The following GABRR2 variants were observed in gnomAD, a reference collection of about 807,000 sequenced individuals.
GABRR2 encodes gamma-aminobutyric acid type A receptor subunit rho2.
A neutral mutation model predicts 47.0 loss-of-function variants in GABRR2; 36 were observed. The observed-to-expected ratio is 0.77, with a 90% CI of 0.59 to 1.01. The LOEUF (loss-of-function observed/expected upper bound fraction) is 1.01, where lower values mean the gene tolerates loss of function less well. Among genes scored for constraint, GABRR2 ranks in the 50% least tolerant of loss-of-function variants. GABRR2 has a pLI of 0.00. For synonymous variants in GABRR2, 204 were observed against 227.5 expected (o/e 0.90, Z 0.93); for missense variants, 587 against 594.6 (o/e 0.99, Z 0.13).
chr6:89,309,157 T>C (rs975749877), intron 1 of GABRR2, among the ~76,000 whole-genome samples: 4 of 152,106 alleles, frequency 2.6e-5, no homozygotes, highest in Admixed American at 2.6e-4. Flanking sequence ...CAGCCTCCCA[T>C]TTGGCAGCCA....
At chr6:89,265,578 T>A in intron 7 of GABRR2, 35 bp downstream of exon 7, 1 of 1,558,930 alleles carries the variant, frequency 6.4e-7, no homozygotes, top group Admixed American at 2.0e-5. Flanking sequence ...TTGAAAAAAA[T>A]AACCACCCTA....
At position 89,265,775 on chromosome 6, in the gene GABRR2, G is replaced by A. The variant is rs775931356; in HGVS notation, c.737-10C>T. 2 of 1,613,220 alleles carry A rather than the reference G, an allele frequency of 1.2e-6. No individual in the cohort carries two copies. The highest frequency in any genetic ancestry group is 2.2e-5 in the East Asian group (1 of 44,868). ...AGACGGTTGTACCAGCCTAGGGGAT[G>A]CAGGAAGAAGCCAATGAGGTTCCAT... On this transcript the variant is annotated splice_polypyrimidine_tract_variant and intron_variant, in intron 6 of 8. Transcript: ENST00000402938.
Position 89,268,039 on chromosome 6 carries a change from C to A in GABRR2, c.570G>T (p.Gln190His). The A allele has an allele frequency of 6.2e-7, 1 of 1,612,098 alleles. No individual in the cohort carries two copies. The highest frequency in any genetic ancestry group is 8.5e-7 in the Non-Finnish European group (1 of 1,178,938). Residue 190 changes from glutamine (Q) to histidine (H), a missense_variant, in exon 5 of 9, where the codon CAG becomes CAT. Physicochemically the swap from Gln to His is conservative, Grantham distance 24. Coordinates refer to ENST00000402938, the MANE Select transcript of GABRR2 (RefSeq NM_002043.5). ...AGCTCTCCAGCTCCAAAGAACAGGT[C>A]TGGGAGTCCAGGGGAAAGTGGCTGA... ...MDFSHFPLDS[Q>H]TCSLELESYA...
intron 2 of GABRR2, among the ~76,000 whole-genome samples, chr6:89,277,878 T>TG (rs1167361887): frequency 1.2e-4 from 3 of 24,484 alleles, no homozygotes; most frequent in Admixed American, 4.0e-4. Flanking sequence ...TGGGGGGGGG[T>TG]GGGGGCTGCA....
At chr6:89,281,272 G>A (rs41480144) in intron 2 of GABRR2, among the ~76,000 whole-genome samples, 5,580 of 152,264 alleles carry the variant, frequency 0.037, 354 homozygotes, top group African/African-American at 0.13. Context: ...CTCTGTTTCA[G>A]GACACATCAC....
intron 8 of GABRR2, among the ~76,000 whole-genome samples, chr6:89,262,908 T>G (rs938399223): frequency 2.0e-5 from 3 of 152,204 alleles, no homozygotes; most frequent in Non-Finnish European, 4.4e-5. Flanking sequence ...GTAATTGCAG[T>G]TTATATCATT....
intron 2 of GABRR2, among the ~76,000 whole-genome samples, chr6:89,276,811 C>T (rs1774171126): frequency 6.6e-6 from 1 of 152,194 alleles, no homozygotes; most frequent in African/African-American, 2.4e-5. Flanking sequence ...ATATAAAAAT[C>T]AATTACATTT....
Position 89,268,101 on chromosome 6 carries a change from A to T in GABRR2, c.513-5T>A. The T allele has an allele frequency of 1.2e-6, 2 of 1,604,656 alleles. No homozygotes were observed. Among genetic ancestry groups the T allele is most frequent in the Non-Finnish European group, 1.7e-6 (2 of 1,175,064 alleles). Reference sequence around the variant, plus strand: ...CACATGGCAGTGACCGTAATCCTAGACAACCCAGAGTCACATATTGGCTTG... The same window carrying T: ...CACATGGCAGTGACCGTAATCCTAGTCAACCCAGAGTCACATATTGGCTTG... On this transcript the variant is annotated splice_polypyrimidine_tract_variant and splice_region_variant and intron_variant, in intron 4 of 8. Coordinates refer to ENST00000402938, the MANE Select transcript of GABRR2 (RefSeq NM_002043.5).
At position 89,255,153 on chromosome 6, in the gene GABRR2, C is replaced by A. The variant is rs1773577610; in HGVS notation, c.*2517G>T. ...GAGAGTCTCTATAGATAAAAGGTTTCTGGCCGGGTGTGGTGGCTCACGCCT... is the reference window on the plus strand; with the variant it reads ...GAGAGTCTCTATAGATAAAAGGTTTATGGCCGGGTGTGGTGGCTCACGCCT... On this transcript the variant is annotated 3_prime_UTR_variant, in exon 9 of 9. Coordinates refer to ENST00000402938, the MANE Select transcript of GABRR2 (RefSeq NM_002043.5). Among the ~76,000 whole-genome samples, 2 of 152,118 alleles carry A rather than the reference C, an allele frequency of 1.3e-5. No homozygotes were observed. The highest frequency in any genetic ancestry group is 4.8e-5 in the African/African-American group (2 of 41,420).
chr6:89,267,850 C>T, intron 5 of GABRR2, 31 bp from the exon 6 acceptor site: 2 of 1,605,312 alleles, frequency 1.2e-6, no homozygotes, highest in Non-Finnish European at 1.7e-6. Flanking sequence ...GTTAATTTGA[C>T]TCCTTCGCTT....
chr6:89,291,371 T>C (rs1453068828), intron 2 of GABRR2, among the ~76,000 whole-genome samples: 1 of 152,136 alleles, frequency 6.6e-6, no homozygotes, highest in African/African-American at 2.4e-5. Context: ...TAGCTTAGGC[T>C]GTGCTGCCAA....
intron 2 of GABRR2, among the ~76,000 whole-genome samples, chr6:89,273,053 C>CATTA (rs1003719238): frequency 4.6e-5 from 7 of 152,264 alleles, no homozygotes; most frequent in African/African-American, 1.4e-4. Flanking sequence ...GTATTTTATT[C>CATTA]ATTACTGGTG....
intron 1 of GABRR2, among the ~76,000 whole-genome samples, chr6:89,313,528 G>C (rs1767712019): frequency 6.6e-6 from 1 of 152,146 alleles, no homozygotes; most frequent in Admixed American, 6.5e-5. Flanking sequence ...AACAGCCTAT[G>C]GTTCTGGCAA....
intron 2 of GABRR2, among the ~76,000 whole-genome samples, chr6:89,286,163 A>T (rs888974593): frequency 6.6e-6 from 1 of 152,216 alleles, no homozygotes; most frequent in Non-Finnish European, 1.5e-5. Flanking sequence ...CTTAAATTTG[A>T]CCTGTCTAAA....
chr6:89,303,489 A>G (rs533887683), intron 1 of GABRR2, among the ~76,000 whole-genome samples: 5 of 152,294 alleles, frequency 3.3e-5, no homozygotes, highest in African/African-American at 9.6e-5. Flanking sequence ...GGAAGACTCA[A>G]TATCATTAAA....
chr6:89,283,053 G>A (rs1774277212), intron 2 of GABRR2, among the ~76,000 whole-genome samples: 1 of 152,182 alleles, frequency 6.6e-6, no homozygotes, highest in Admixed American at 6.5e-5. Flanking sequence ...TATCTGATAG[G>A]TATAAAGTTC....
In GABRR2 at chr6:89,265,720, A is replaced by C; in HGVS notation, c.782T>G (p.Ile261Ser). 3 of 1,614,118 alleles carry C rather than the reference A, an allele frequency of 1.9e-6. No individual in the cohort carries two copies. Among genetic ancestry groups the C allele is most frequent in the Non-Finnish European group, 2.5e-6 (3 of 1,180,008 alleles). ...LYINFTLRRH[I>S]FFFLLQTYFP... is the part of the protein sequence containing the mutation. Reference sequence around the variant, plus strand: ...ATATGTTTGGAGCAAGAAGAAGAAGATGTGGCGACGCAACGTGAAGTTAAT... The same window carrying C: ...ATATGTTTGGAGCAAGAAGAAGAAGCTGTGGCGACGCAACGTGAAGTTAAT... Residue 261 changes from isoleucine to serine, a missense_variant, in exon 7 of 9, where the codon ATC (isoleucine) becomes AGC (serine). Physicochemically the swap from Ile to Ser is moderately radical, Grantham distance 142 (BLOSUM62 -2). Coordinates refer to ENST00000402938, the MANE Select transcript of GABRR2 (RefSeq NM_002043.5).
chr6:89,299,698 G>GC (rs1251499234), intron 2 of GABRR2, 61 bp downstream of exon 2: 1 of 1,100,826 alleles, frequency 9.1e-7, no homozygotes, highest in Non-Finnish European at 1.4e-6. Flanking sequence ...AGCCAGAGAG[G>GC]GCAGCACATC....
chr6:89,302,971 G>A, intron 1 of GABRR2: 1 of 1,298,388 alleles, frequency 7.7e-7, no homozygotes, highest in Admixed American at 1.8e-5. Flanking sequence ...CAAGGGCATG[G>A]ACGAGATGGA....
Sources: allele counts gnomAD v4.1 joint callset (sites outside exome capture counted in the v4.1 genomes callset), GRCh38; gene constraint gnomAD v4.1.1; transcripts MANE v1.5; gene names NCBI Gene and HGNC (gene_info 2026-07-23, HGNC 2026-07-21).